ECPAS: variants seen among roughly 807,000 people sequenced by gnomAD.
The protein encoded by ECPAS is Ecm29 proteasome adaptor and scaffold.
ECPAS carries 70 observed loss-of-function variants against 255.1 expected under a neutral mutation model. That is an observed-to-expected ratio of 0.27 (90% CI 0.23 to 0.33). The LOEUF (loss-of-function observed/expected upper bound fraction) is 0.33. Among genes scored for constraint, ECPAS ranks in the 10% least tolerant of loss-of-function variants. The pLI is 1.00. For missense variants in ECPAS, 1,817 were observed against 2,206.4 expected, an observed-to-expected ratio of 0.82 and a Z score of 3.54; for synonymous variants, 784 against 775.0, an observed-to-expected ratio of 1.01 and a Z score of -0.19.
rs765327304 is a variant in ECPAS at position 111,366,249 on chromosome 9, T to C, written c.5298A>G (p.Thr1766=). 5.1e-6 allele frequency: 8 copies of C among 1,564,882 alleles called. No individual in the cohort carries two copies. Among genetic ancestry groups the C allele is most frequent in the Non-Finnish European group, 6.9e-6 (8 of 1,151,818 alleles). ...GTTTACTACACTCACCTAAAGAATA[T>C]GTGATTGATTTACAAGTTTCAAGCA... ...EILLETCKSI[T]YSLENKTYSS... is the part of the protein sequence containing the mutation. The change falls in exon 48 of 50, where the codon ACA becomes ACG. Residue 1766 remains threonine (T), a synonymous_variant. Coordinates refer to ENST00000684092, the MANE Select transcript of ECPAS (RefSeq NM_001364929.1).
Position 111,362,025 on chromosome 9 carries a change from C to T in ECPAS, c.*5G>A. Reference sequence around the variant, plus strand: ...TGGCACTTGTTTGTTTCTTCCCCTTCTAATTTATTCCAGATTTTCAAGTGT... The same window carrying T: ...TGGCACTTGTTTGTTTCTTCCCCTTTTAATTTATTCCAGATTTTCAAGTGT... On this transcript the variant is annotated 3_prime_UTR_variant, in exon 50 of 50. Coordinates refer to ENST00000684092, the MANE Select transcript of ECPAS (RefSeq NM_001364929.1). 1 of 1,611,074 alleles carries T rather than the reference C, an allele frequency of 6.2e-7. No homozygotes were observed. Among genetic ancestry groups the T allele is most frequent in the Non-Finnish European group, 8.5e-7 (1 of 1,178,714 alleles).
chr9:111,463,798 A>G (rs2098276005), intron 2 of ECPAS, among the ~76,000 whole-genome samples: 1 of 152,188 alleles, frequency 6.6e-6, no homozygotes, highest in Non-Finnish European at 1.5e-5. Flanking sequence ...GTTGGCAAAG[A>G]TGGGAAACAA....
chr9:111,478,157 T>A (rs2098298856), intron 1 of ECPAS, among the ~76,000 whole-genome samples: 2 of 150,874 alleles, frequency 1.3e-5, no homozygotes, highest in African/African-American at 4.9e-5. Flanking sequence ...CACCTCGACC[T>A]CCCAAAGCGC....
chr9:111,408,821 G>C (rs372353657), intron 23 of ECPAS, 149 bp from the exon 24 acceptor site: 5 of 478,978 alleles, frequency 1.0e-5, no homozygotes, highest in East Asian at 6.6e-5. Context: ...TTTTACAGTC[G>C]TATGTCTGTA....
At chr9:111,474,014 C>T (rs1041462420) in intron 1 of ECPAS, among the ~76,000 whole-genome samples, 9 of 152,108 alleles carry the variant, frequency 5.9e-5, no homozygotes, top group African/African-American at 1.9e-4. Flanking sequence ...TTTATTATCT[C>T]ATTTTACAGA....
At chr9:111,392,739 T>G (rs757640395) in intron 28 of ECPAS, 29 bp downstream of exon 28, 4 of 1,469,602 alleles carry the variant, frequency 2.7e-6, no homozygotes, top group South Asian at 2.3e-5. Flanking sequence ...TCTATGGGCT[T>G]GAATCTAAAA....
At chr9:111,408,723 ACC>A in intron 23 of ECPAS, 51 bp from the exon 24 acceptor site, 1 of 1,087,992 alleles carries the variant, frequency 9.2e-7, no homozygotes, top group East Asian at 2.7e-5. Context: ...TAATAGCTTT[ACC>A]CCAGTGCAGT....
chr9:111,470,934 T>C (rs139812056), intron 2 of ECPAS, among the ~76,000 whole-genome samples: 141 of 152,160 alleles, frequency 9.3e-4, no homozygotes, highest in African/African-American at 3.3e-3. Flanking sequence ...CTGGCAGAGA[T>C]ACTCAGTTAG....
intron 34 of ECPAS, 131 bp downstream of exon 34, chr9:111,384,391 A>T: frequency 2.7e-6 from 2 of 743,534 alleles, no homozygotes; most frequent in South Asian, 1.6e-5. Flanking sequence ...TCATTCTAAG[A>T]GCAGTGAACT....
At chr9:111,397,227 G>A in intron 24 of ECPAS, 74 bp from the exon 25 acceptor site, 1 of 1,570,120 alleles carries the variant, frequency 6.4e-7, no homozygotes, top group Non-Finnish European at 8.7e-7. Context: ...CAGAAAGCCT[G>A]CTTAAAAGTG....
intron 46 of ECPAS, among the ~76,000 whole-genome samples, chr9:111,367,344 T>C (rs768233817): frequency 2.0e-5 from 3 of 152,186 alleles, no homozygotes; most frequent in Non-Finnish European, 4.4e-5. Context: ...AACCCAGAAA[T>C]TGTAGATATA....
chr9:111,483,067 C>T (rs1007549507), intron 1 of ECPAS, among the ~76,000 whole-genome samples: 2 of 152,194 alleles, frequency 1.3e-5, no homozygotes, highest in African/African-American at 2.4e-5. Context: ...AAAAAGGCAC[C>T]TTCTCCCCCT....
intron 1 of ECPAS, among the ~76,000 whole-genome samples, chr9:111,478,895 C>A (rs1564572941): frequency 6.6e-6 from 1 of 152,166 alleles, no homozygotes; most frequent in Non-Finnish European, 1.5e-5. Flanking sequence ...TTGTACCCAA[C>A]AGCAATGATA....
intron 2 of ECPAS, among the ~76,000 whole-genome samples, chr9:111,456,346 G>A (rs760160422): frequency 6.6e-6 from 1 of 152,158 alleles, no homozygotes; most frequent in Non-Finnish European, 1.5e-5. Context: ...TTAAGGACTT[G>A]CCCAAGGTCA....
chr9:111,394,863 C>G (rs542220739), intron 25 of ECPAS, among the ~76,000 whole-genome samples: 1 of 152,312 alleles, frequency 6.6e-6, no homozygotes, highest in South Asian at 2.1e-4. Context: ...TCTCATTCCT[C>G]CAGTGACAAA....
chr9:111,483,192 G>C (rs941805920), intron 1 of ECPAS, among the ~76,000 whole-genome samples: 1 of 152,006 alleles, frequency 6.6e-6, no homozygotes, highest in African/African-American at 2.4e-5. Context: ...CCTCCCGCCA[G>C]CCGAGGCTCA....
intron 24 of ECPAS, among the ~76,000 whole-genome samples, chr9:111,403,666 A>G (rs2098179686): frequency 1.3e-5 from 2 of 149,966 alleles, no homozygotes; most frequent in South Asian, 4.2e-4. Context: ...ATAGCTGAAG[A>G]CTGACTTCAA....
At chr9:111,419,318 A>C (rs890925385) in intron 16 of ECPAS, among the ~76,000 whole-genome samples, 2 of 152,212 alleles carry the variant, frequency 1.3e-5, no homozygotes, top group Non-Finnish European at 2.9e-5. Flanking sequence ...CAAAAATTCT[A>C]AACGTTAAAT....
Position 111,389,602 on chromosome 9 carries a change from T to C in ECPAS, c.3401A>G (p.Gln1134Arg), listed in dbSNP as rs757605184. 3.7e-6 allele frequency: 6 copies of C among 1,613,812 alleles called. No individual in the cohort carries two copies. The highest frequency in any genetic ancestry group is 5.1e-6 in the Non-Finnish European group (6 of 1,179,848). ...YQFDPNLGIRQAMTSIWNALV... is the reference protein window; with the variant it reads ...YQFDPNLGIRRAMTSIWNALV... The stretch of plus-strand genomic sequence containing the variant: ...CGCATTCCAAATACTTGTCATGGCC[T>C]GTCGAATGCCAAGGTTGGGATCAAA... Residue 1134 changes from glutamine (Q) to arginine (R), a missense_variant, in exon 31 of 50, where the codon CAG (glutamine) becomes CGG (arginine). Gln to Arg is a conservative substitution (Grantham distance 43). Around this residue, in one of 4 missense-constraint regions of ECPAS, gnomAD observed 960 missense variants for 1,179.0 expected, o/e 0.81. Coordinates refer to ENST00000684092, the MANE Select transcript of ECPAS (RefSeq NM_001364929.1).
Sources: allele counts gnomAD v4.1 joint callset (sites outside exome capture counted in the v4.1 genomes callset), GRCh38; gene constraint gnomAD v4.1.1; regional missense constraint gnomAD v4.1.1; transcripts MANE v1.5; gene names NCBI Gene and HGNC (gene_info 2026-07-23, HGNC 2026-07-21).